SPEN: variants seen among roughly 807,000 people sequenced by gnomAD.
SPEN encodes msx2-interacting protein.
In SPEN, 18 loss-of-function variants were observed where a neutral mutation model predicts 269.9. That is an observed-to-expected ratio of 0.07 (90% CI 0.05 to 0.10). The LOEUF (loss-of-function observed/expected upper bound fraction) is 0.10. SPEN is among the 10% of genes least tolerant of loss of function. The pLI, the probability that SPEN is intolerant of heterozygous loss-of-function variation, is 1.00. For missense variants in SPEN, 3,822 were observed against 4,631.2 expected, an observed-to-expected ratio of 0.83 and a Z score of 5.07; for synonymous variants, 1,726 against 1,765.7, an observed-to-expected ratio of 0.98 and a Z score of 0.56.
Position 15,908,297 on chromosome 1 carries a change from C to T in SPEN, c.882-1024C>T, listed in dbSNP as rs79142883. On this transcript the variant is annotated intron_variant, in intron 3 of 14. Coordinates refer to ENST00000375759, the MANE Select transcript of SPEN (RefSeq NM_015001.3). ...CAGGCTGGTCTCAAACTCCTGGCTT[C>T]GAGCGATCCTGCCACTTCTGCCTCC... Among the ~76,000 whole-genome samples the T allele has an allele frequency of 5.1e-3, 773 of 152,228 alleles. 18 individuals are homozygous for T. The East Asian group carries it at 0.086, about 17-fold the overall frequency.
At chr1:15,858,843 C>G (rs1255320605) in intron 1 of SPEN, among the ~76,000 whole-genome samples, 3 of 152,122 alleles carry the variant, frequency 2.0e-5, no homozygotes, top group African/African-American at 7.2e-5. Context: ...GTTCAGGAGG[C>G]TGAGGTGGGA....
intron 1 of SPEN, among the ~76,000 whole-genome samples, chr1:15,871,629 G>A (rs891184626): frequency 2.0e-5 from 3 of 152,072 alleles, no homozygotes; most frequent in African/African-American, 7.2e-5. Context: ...ATATTATAAA[G>A]TTTAACAGTT....
rs993446139 is a variant in SPEN at position 15,857,066 on chromosome 1, AT to A, written c.83+8927del. 4.4e-4 allele frequency among the ~76,000 whole-genome samples: 63 copies of A among 142,816 alleles called. 1 individual carries two copies. The highest frequency in any genetic ancestry group is 1.7e-3 in the Admixed American group (24 of 14,304). The allele number at this position is 142,816 out of a possible 152,430, so 93.7% of individuals were successfully genotyped here. On this transcript the variant is annotated intron_variant, in intron 1 of 14. Coordinates refer to ENST00000375759, the MANE Select transcript of SPEN (RefSeq NM_015001.3). ...GCCTATCTGCTTTTCTCCTTCCTGT[AT>A]TTTTTTTTTTCTTGAGACAGGATCT...
chr1:15,908,978 G>A (rs892590875), intron 3 of SPEN, among the ~76,000 whole-genome samples: 1 of 151,836 alleles, frequency 6.6e-6, no homozygotes, highest in African/African-American at 2.4e-5. Flanking sequence ...CTAGACCTCT[G>A]AATCCCAAAC....
At chr1:15,876,739 A>G (rs2070634825) in intron 3 of SPEN, 61 bp downstream of exon 3, 1 of 1,221,840 alleles carries the variant, frequency 8.2e-7, no homozygotes, top group East Asian at 2.3e-5. Flanking sequence ...CTCAACAATC[A>G]GTGGGAATGG....
chr1:15,918,359 C>T (rs1039967384), intron 6 of SPEN, among the ~76,000 whole-genome samples: 4 of 152,256 alleles, frequency 2.6e-5, no homozygotes, highest in Non-Finnish European at 4.4e-5. Context: ...ACTAGGATTA[C>T]AGGCATGTGC....
intron 3 of SPEN, among the ~76,000 whole-genome samples, chr1:15,881,704 A>G (rs1245757276): frequency 6.6e-6 from 1 of 152,254 alleles, no homozygotes; most frequent in Non-Finnish European, 1.5e-5. Flanking sequence ...TCTGGTGTTC[A>G]GTTTACATTA....
intron 1 of SPEN, 107 bp from the exon 2 acceptor site, chr1:15,872,709 A>C (rs912199760): frequency 2.0e-5 from 14 of 694,060 alleles, no homozygotes; most frequent in Non-Finnish European, 2.9e-5. Context: ...GTCATTTTGC[A>C]GGTCGTCCCT....
chr1:15,932,116 G>A lies in SPEN; in HGVS notation c.5876G>A (p.Arg1959Gln), dbSNP rs370428398. The part of the protein sequence containing the change: ...RRGRPPKTRR[R>Q]ADEEEENEAK... The stretch of plus-strand genomic sequence containing the variant: ...GGAAGGCCTCCAAAGACACGCCGGC[G>A]AGCCGATGAAGAGGAGGAGAACGAG... The change falls in exon 11 of 15, where the codon CGA becomes CAA. Residue 1959 changes from arginine (R) to glutamine (Q), a missense_variant. Arg to Gln is a conservative substitution (Grantham distance 43, BLOSUM62 1). This residue lies in a region of SPEN where 533 missense variants were observed against 618.8 expected (regional missense o/e 0.86). Coordinates refer to ENST00000375759, the MANE Select transcript of SPEN (RefSeq NM_015001.3). This position sits in a 1 kb window ranked among gnomAD's most constrained non-coding sequence, Gnocchi z 4.2. 4 of 1,613,958 alleles carry A rather than the reference G, an allele frequency of 2.5e-6. No individual in the cohort carries two copies. Among genetic ancestry groups the A allele is most frequent in the African/African-American group, 1.3e-5 (1 of 75,054 alleles).
chr1:15,938,981 G>A, intron 14 of SPEN, 105 bp downstream of exon 14: 1 of 1,404,480 alleles, frequency 7.1e-7, no homozygotes, highest in Non-Finnish European at 9.7e-7. Context: ...CCCCAGAGGT[G>A]GGCAAAGGGG....
At chr1:15,887,603 T>A (rs1416099125) in intron 3 of SPEN, among the ~76,000 whole-genome samples, 2 of 150,544 alleles carry the variant, frequency 1.3e-5, no homozygotes, top group Non-Finnish European at 3.0e-5. Flanking sequence ...CCGAAAAAAA[T>A]TTTTAATGTT....
chr1:15,911,327 A>T (rs1257246081), intron 5 of SPEN, 26 bp downstream of exon 5: 10 of 1,593,842 alleles, frequency 6.3e-6, no homozygotes, highest in Non-Finnish European at 8.6e-6. Context: ...GCTGAGTTTG[A>T]GTTACTCATC....
chr1:15,880,776 A>T (rs2070680687), intron 3 of SPEN, among the ~76,000 whole-genome samples: 1 of 152,024 alleles, frequency 6.6e-6, no homozygotes, highest in Non-Finnish European at 1.5e-5. Flanking sequence ...TTTTGTATCT[A>T]TACATAAAAA....
chr1:15,906,798 A>C (rs547783568), intron 3 of SPEN, among the ~76,000 whole-genome samples: 1 of 116,540 alleles, frequency 8.6e-6, no homozygotes, highest in African/African-American at 3.4e-5. Context: ...TTTTTTTGAG[A>C]CAGAGTCTCT....
At position 15,937,669 on chromosome 1, in the gene SPEN, T is replaced by C; in HGVS notation, c.10509+24T>C. The C allele has an allele frequency of 6.2e-7, 1 of 1,608,036 alleles. No individual in the cohort carries two copies. ...AGGTAAGCATGAGCAGGGGCTGCCC[T>C]TCCTGGCCCCCAAGTTTTATGCCAT... On this transcript the variant is annotated intron_variant, in intron 12 of 14. Coordinates refer to ENST00000375759, the MANE Select transcript of SPEN (RefSeq NM_015001.3). The surrounding 1 kb of genome is among the most constrained non-coding windows in gnomAD (Gnocchi z 5.7).
At chr1:15,857,387 C>T (rs950834575) in intron 1 of SPEN, among the ~76,000 whole-genome samples, 7 of 149,188 alleles carry the variant, frequency 4.7e-5, no homozygotes, top group African/African-American at 1.2e-4. Context: ...GACGGAGTCT[C>T]GTTCTGTTGC....
chr1:15,889,068 C>T (rs2070764919), intron 3 of SPEN, among the ~76,000 whole-genome samples: 1 of 152,002 alleles, frequency 6.6e-6, no homozygotes, highest in Non-Finnish European at 1.5e-5. Context: ...TTTACCTTGC[C>T]CCAAACAAGG....
chr1:15,896,554 T>C (rs1475503488), intron 3 of SPEN, among the ~76,000 whole-genome samples: 1 of 152,164 alleles, frequency 6.6e-6, no homozygotes, highest in Non-Finnish European at 1.5e-5. Context: ...ATCTTACCTA[T>C]TGATTAATTT....
chr1:15,928,184 G>A lies in SPEN; in HGVS notation c.1944G>A (p.Arg648=). The A allele has an allele frequency of 6.2e-7, 1 of 1,614,112 alleles. No individual in the cohort carries two copies. ...TPGTYPEDSR[R]DYPARGREFY... ...GCACTTATCCTGAGGATTCCAGGCG[G>A]GACTATCCAGCTCGAGGGAGAGAGT... is the stretch of plus-strand genomic sequence containing the variant. The change falls in exon 11 of 15, where the codon CGG becomes CGA. Residue 648 remains arginine (R), a synonymous_variant. Transcript: ENST00000375759. The surrounding 1 kb of genome is among the most constrained non-coding windows in gnomAD (Gnocchi z 5.7).
Sources: gnomAD v4.1 joint callset for allele counts (sites outside exome capture counted in the v4.1 genomes callset) on GRCh38, gnomAD v4.1.1 for gene constraint, gnomAD v4.1.1 regional missense constraint, Gnocchi (gnomAD v3.1) non-coding constraint, MANE v1.5 for transcripts, NCBI Gene and HGNC (gene_info 2026-07-23, HGNC 2026-07-21) for gene names.